Variants in CPED1 observed in about 807,000 individuals in gnomAD.
CPED1 encodes the protein cadherin like and PC-esterase domain containing 1.
Under a neutral mutation model 128.2 loss-of-function variants are expected in CPED1, and 114 were observed. The ratio of observed to expected loss-of-function variants is 0.89; its 90% CI spans 0.76 to 1.04. The LOEUF is 1.04. Among genes scored for constraint, CPED1 ranks in the 50% least tolerant of loss-of-function variants. The probability of loss-of-function intolerance (pLI) is 0.00; values close to 1 mark genes in which losing one functional copy is unlikely to be tolerated. For synonymous variants in CPED1, 462 were observed against 426.7 expected (o/e 1.08, Z -1.02); for missense variants, 1,211 against 1,207.1 (o/e 1.00, Z -0.05).
intron 15 of CPED1, 108 bp from the exon 16 acceptor site, chr7:121,141,865 T>C (rs1319486131): frequency 8.8e-6 from 7 of 799,056 alleles, no homozygotes; most frequent in Middle Eastern, 2.4e-4. Context: ...AGACCTTTCC[T>C]GTTATTTATT....
chr7:121,112,683 A>G (rs1323543064), intron 7 of CPED1, among the ~76,000 whole-genome samples: 1 of 152,178 alleles, frequency 6.6e-6, no homozygotes, highest in Non-Finnish European at 1.5e-5. Flanking sequence ...CACATTTGCT[A>G]AATATCTCAT....
chr7:121,088,574 G>C (rs954959852), intron 5 of CPED1, among the ~76,000 whole-genome samples: 1 of 151,068 alleles, frequency 6.6e-6, no homozygotes, highest in Non-Finnish European at 1.5e-5. Flanking sequence ...CAGGAGAATC[G>C]CATGAATCCG....
intron 2 of CPED1, among the ~76,000 whole-genome samples, chr7:121,004,489 G>C (rs968071397): frequency 6.6e-6 from 1 of 152,102 alleles, no homozygotes; most frequent in Admixed American, 6.6e-5. Context: ...TTCTAGGCCG[G>C]CTGCCACAAG....
intron 2 of CPED1, among the ~76,000 whole-genome samples, chr7:120,998,957 T>G (rs34681945): frequency 6.6e-6 from 1 of 152,144 alleles, no homozygotes; most frequent in Non-Finnish European, 1.5e-5. Flanking sequence ...TGGTTTATTG[T>G]CTTTCTACAC....
intron 16 of CPED1, among the ~76,000 whole-genome samples, chr7:121,159,739 GTC>G (rs1279561578): frequency 6.6e-6 from 1 of 151,970 alleles, no homozygotes. Flanking sequence ...TATTACTCTT[GTC>G]TCTCTCCCTC....
chr7:121,068,724 A>G (rs552393635), intron 5 of CPED1, among the ~76,000 whole-genome samples: 1 of 150,924 alleles, frequency 6.6e-6, no homozygotes, highest in African/African-American at 2.4e-5. Context: ...CATTTTCACA[A>G]TATTGATTCT....
At position 121,271,384 on chromosome 7, in the gene CPED1, G is replaced by A. The variant is rs138155176; in HGVS notation, c.2822G>A (p.Arg941His). 2.0e-3 allele frequency: 3,291 copies of A among 1,612,714 alleles called. 5 individuals are homozygous for A. Among genetic ancestry groups the A allele is most frequent in the Non-Finnish European group, 2.5e-3 (2,908 of 1,179,046 alleles). Residue 941 changes from arginine to histidine, a missense_variant, in exon 22 of 23, where the codon CGT becomes CAT. By Grantham distance (29) the Arg-to-His change is conservative. Transcript: ENST00000310396. ...GACACATTCACTATAACAATGGGGCGTTACAAAGAGTTTCTACAGGGGAAG... is the reference window on the plus strand; with the variant it reads ...GACACATTCACTATAACAATGGGGCATTACAAAGAGTTTCTACAGGGGAAG... ...VVDTFTITMG[R>H]YKEFLQGKCG...
chr7:121,145,273 G>T (rs1296148037), intron 16 of CPED1, among the ~76,000 whole-genome samples: 4 of 151,984 alleles, frequency 2.6e-5, no homozygotes, highest in African/African-American at 9.7e-5. Context: ...TCAGAAACAA[G>T]TTAATTATCA....
Position 121,266,271 on chromosome 7 carries a change from T to C in CPED1, c.2355T>C (p.Tyr785=), listed in dbSNP as rs777591616. Residue 785 remains tyrosine, a synonymous_variant, in exon 19 of 23, where the codon TAT becomes TAC. Coordinates refer to ENST00000310396, the MANE Select transcript of CPED1 (RefSeq NM_024913.5). The part of the protein sequence containing the change: ...GDSTNRGIMY[Y]LIERLNETLQ... ...CAACCAACAGAGGGATCATGTACTATCTTATTGAAAGGCTGAATGAAACGT... is the reference window on the plus strand; with the variant it reads ...CAACCAACAGAGGGATCATGTACTACCTTATTGAAAGGCTGAATGAAACGT... The C allele has an allele frequency of 9.3e-6, 15 of 1,613,004 alleles. No individual in the cohort carries two copies. The Admixed American group carries it at 2.3e-4, about 25-fold the overall frequency.
chr7:121,180,693 A>G (rs751524336), intron 16 of CPED1, among the ~76,000 whole-genome samples: 9 of 152,064 alleles, frequency 5.9e-5, no homozygotes, highest in Non-Finnish European at 1.3e-4. Flanking sequence ...AAGAGAGAAC[A>G]GGAAGAGACT....
intron 16 of CPED1, among the ~76,000 whole-genome samples, chr7:121,204,647 G>A (rs1233509426): frequency 6.6e-6 from 1 of 152,118 alleles, no homozygotes; most frequent in African/African-American, 2.4e-5. Context: ...CCAAAAAGGA[G>A]AGGCACATTA....
intron 16 of CPED1, among the ~76,000 whole-genome samples, chr7:121,170,093 C>T (rs1166642884): frequency 1.3e-5 from 2 of 152,174 alleles, no homozygotes; most frequent in African/African-American, 4.8e-5. Flanking sequence ...TGCCACCTCA[C>T]AAAGCACGTG....
At chr7:121,022,857 T>C (rs939060500) in intron 3 of CPED1, among the ~76,000 whole-genome samples, 1 of 152,108 alleles carries the variant, frequency 6.6e-6, no homozygotes, top group Non-Finnish European at 1.5e-5. Context: ...TAAGTTTTAT[T>C]GGTCTTCCAG....
At chr7:121,159,222 T>TA (rs149546097) in intron 16 of CPED1, among the ~76,000 whole-genome samples, 6 of 152,042 alleles carry the variant, frequency 3.9e-5, no homozygotes, top group South Asian at 2.1e-4. Context: ...ATTGGGTATG[T>TA]AAAAAAAATG....
intron 18 of CPED1, chr7:121,261,536 T>C (rs1584639879): frequency 6.5e-7 from 1 of 1,529,096 alleles, no homozygotes; most frequent in African/African-American, 1.4e-5. Flanking sequence ...GCCATGAGAC[T>C]GAGTTCTAAC....
At chr7:121,048,755 T>C (rs899611590) in intron 4 of CPED1, among the ~76,000 whole-genome samples, 3 of 152,170 alleles carry the variant, frequency 2.0e-5, no homozygotes, top group African/African-American at 4.8e-5. Flanking sequence ...ACCAGGCTGG[T>C]CTTGAACTCC....
At chr7:121,070,743 G>C (rs146157725) in intron 5 of CPED1, among the ~76,000 whole-genome samples, 226 of 152,184 alleles carry the variant, frequency 1.5e-3, no homozygotes, top group African/African-American at 5.3e-3. Flanking sequence ...GACCAGCCTA[G>C]TCCAAATCAG....
intron 5 of CPED1, among the ~76,000 whole-genome samples, chr7:121,079,720 AC>A (rs1326986628): frequency 6.6e-6 from 1 of 152,180 alleles, no homozygotes; most frequent in Non-Finnish European, 1.5e-5. Flanking sequence ...AAGCTGAATA[AC>A]CCCTCTGCTC....
intron 14 of CPED1, among the ~76,000 whole-genome samples, chr7:121,139,623 A>G (rs1192368804): frequency 6.6e-6 from 1 of 152,052 alleles, no homozygotes; most frequent in African/African-American, 2.4e-5. Context: ...AGGGATTGTG[A>G]AATGCCTTGT....
Sources: gnomAD v4.1 joint callset for allele counts (sites outside exome capture counted in the v4.1 genomes callset) on GRCh38, gnomAD v4.1.1 for gene constraint, MANE v1.5 for transcripts, NCBI Gene and HGNC (gene_info 2026-07-23, HGNC 2026-07-21) for gene names.